CRCP: variants seen among roughly 807,000 people sequenced by gnomAD.
CRCP encodes CGRP receptor component.
Under a neutral mutation model 18.5 loss-of-function variants are expected in CRCP, and 18 were observed. That is an observed-to-expected ratio of 0.97 (90% confidence interval 0.67 to 1.44). The LOEUF (loss-of-function observed/expected upper bound fraction) is 1.44. CRCP is among the 40% of genes most tolerant of loss of function. The pLI is 0.00. For missense variants in CRCP, 130 were observed against 176.4 expected (o/e 0.74, Z 1.49); for synonymous variants, 53 against 62.9 (o/e 0.84, Z 0.75).
intron 5 of CRCP, among the ~76,000 whole-genome samples, chr7:66,146,458 AG>A (rs1162684821): frequency 1.3e-5 from 2 of 148,998 alleles, no homozygotes; most frequent in African/African-American, 4.9e-5. Context: ...AAAAAAAAAA[AG>A]AAGAAGAAAC....
At chr7:66,136,630 C>T (rs1787979591) in intron 4 of CRCP, among the ~76,000 whole-genome samples, 1 of 151,744 alleles carries the variant, frequency 6.6e-6, no homozygotes, top group East Asian at 2.0e-4. Flanking sequence ...GCCCAAAGTG[C>T]TAGCATTTCA....
intron 4 of CRCP, among the ~76,000 whole-genome samples, chr7:66,141,433 G>A (rs1208025462): frequency 6.6e-6 from 1 of 152,018 alleles, no homozygotes; most frequent in Non-Finnish European, 1.5e-5. Context: ...TCTGTCTCCA[G>A]AAAGCATGGA....
chr7:66,114,977 C>T lies in CRCP; in HGVS notation c.8+7C>T. 2 of 1,609,304 alleles carry T rather than the reference C, an allele frequency of 1.2e-6. No individual in the cohort carries two copies. The highest frequency in any genetic ancestry group is 2.2e-5 in the South Asian group (2 of 90,898). ...GGCGGGACGTCATGGAAGTGTAAGT[C>T]TTCTCGGGCGCGTCCCTTTTCGCCC... On this transcript the variant is annotated splice_region_variant and intron_variant, in intron 1 of 5. Transcript: ENST00000395326.
intron 5 of CRCP, among the ~76,000 whole-genome samples, chr7:66,145,878 G>A (rs977990213): frequency 1.3e-5 from 2 of 152,152 alleles, no homozygotes; most frequent in Admixed American, 1.3e-4. Context: ...CCCTGCTCTT[G>A]CTTCCTCTCT....
At chr7:66,148,587 C>T (rs1244411676) in intron 5 of CRCP, among the ~76,000 whole-genome samples, 1 of 152,150 alleles carries the variant, frequency 6.6e-6, no homozygotes, top group Non-Finnish European at 1.5e-5. Context: ...TTGCTGTGGC[C>T]CTCTGATGAC....
Position 66,114,990 on chromosome 7 carries a change from TCC to T in CRCP, c.8+22_8+23del. The T allele has an allele frequency of 6.2e-7, 1 of 1,606,952 alleles. No individual in the cohort carries two copies. On this transcript the variant is annotated intron_variant, in intron 1 of 5. Transcript: ENST00000395326. Reference sequence around the variant, plus strand: ...GGAAGTGTAAGTCTTCTCGGGCGCGTCCCTTTTCGCCCGAGGAGCCCAACGGT... The same window carrying T: ...GGAAGTGTAAGTCTTCTCGGGCGCGTCTTTTCGCCCGAGGAGCCCAACGGT...
chr7:66,138,276 T>C (rs1319305958), intron 4 of CRCP, among the ~76,000 whole-genome samples: 2 of 152,202 alleles, frequency 1.3e-5, no homozygotes, highest in Non-Finnish European at 2.9e-5. Context: ...CAGTGGCTCA[T>C]GCCTATTATC....
chr7:66,133,233 C>T (rs387676), intron 3 of CRCP, among the ~76,000 whole-genome samples: 15,857 of 152,030 alleles, frequency 0.1, 1,006 homozygotes, highest in South Asian at 0.2. Flanking sequence ...TGGCCGGGTG[C>T]GGTGTCTCAT....
intron 1 of CRCP, 31 bp downstream of exon 1, chr7:66,115,001 C>T: frequency 6.2e-7 from 1 of 1,604,454 alleles, no homozygotes; most frequent in Non-Finnish European, 8.5e-7. Context: ...CCCTTTTCGC[C>T]CGAGGAGCCC....
At chr7:66,130,598 T>A in intron 2 of CRCP, 146 bp from the exon 3 acceptor site, 1 of 514,374 alleles carries the variant, frequency 1.9e-6, no homozygotes, top group Non-Finnish European at 3.6e-6. Flanking sequence ...GGACTCATAT[T>A]TGCTCAAATC....
chr7:66,148,120 A>G (rs774297210), intron 5 of CRCP, among the ~76,000 whole-genome samples: 65 of 150,464 alleles, frequency 4.3e-4, no homozygotes, highest in Admixed American at 1.1e-3. Context: ...CCAGTACTTT[A>G]AGAGACCGAG....
At chr7:66,131,771 CTTT>C (rs890802726) in intron 3 of CRCP, among the ~76,000 whole-genome samples, 9 of 144,424 alleles carry the variant, frequency 6.2e-5, no homozygotes, top group African/African-American at 2.3e-4. Context: ...AATCATTTTT[CTTT>C]TTTTTTTTTT....
In CRCP at chr7:66,123,732, G is replaced by C. The variant is rs1787521408; in HGVS notation, c.9-3972G>C. On this transcript the variant is annotated intron_variant, in intron 1 of 5. Transcript: ENST00000395326. ...CATTGCACTCCAGCCTGGGCAACAA[G>C]AGCGAAACTCTTGTCTCAAAAAAAA... Among the ~76,000 whole-genome samples the C allele has an allele frequency of 2.3e-5, 3 of 132,952 alleles. No individual in the cohort carries two copies. In the South Asian group the frequency reaches 7.2e-4, roughly 32 times the overall value. 87.2% of individuals were successfully genotyped at this position (132,952 alleles called of 152,430 possible). A position where few individuals can be genotyped will look rare whatever the true frequency, so the allele number is the denominator to read the frequency against.
rs773805890 is a variant in CRCP at position 66,123,887 on chromosome 7, CT to C, written c.9-3816del. ...CTAACATGGTGAAATCCCGTCTGTA[CT>C]AAAAAAATGAGCCGGGCGTGGTGGC... On this transcript the variant is annotated intron_variant, in intron 1 of 5. Transcript: ENST00000395326. Among the ~76,000 whole-genome samples the C allele has an allele frequency of 1.5e-3, 213 of 146,228 alleles. 1 individual carries two copies. Among genetic ancestry groups the C allele is most frequent in the Non-Finnish European group, 2.2e-3 (147 of 66,752 alleles).
In CRCP at chr7:66,152,876, C is replaced by G. The variant is rs1439393871; in HGVS notation, c.*519C>G. The G allele has an allele frequency of 1.3e-5, 2 of 154,054 alleles. No individual in the cohort carries two copies. Among genetic ancestry groups the G allele is most frequent in the African/African-American group, 4.8e-5 (2 of 41,440 alleles). 9.5% of individuals were successfully genotyped at this position (154,054 alleles called of 1,614,324 possible). On this transcript the variant is annotated 3_prime_UTR_variant, in exon 6 of 6. Coordinates refer to ENST00000395326, the MANE Select transcript of CRCP (RefSeq NM_014478.5). ...AGAGATAAGAAAAGAACCGGCCTGG[C>G]CAATCCTTCAACAGCTCTAGAGCCC...
intron 5 of CRCP, among the ~76,000 whole-genome samples, chr7:66,146,373 C>T (rs547601403): frequency 2.2e-4 from 33 of 151,956 alleles, no homozygotes; most frequent in Non-Finnish European, 3.8e-4. Flanking sequence ...ACGCTGTGGC[C>T]GCTGCCTTCT....
chr7:66,131,100 G>A (rs1005300993), intron 3 of CRCP, among the ~76,000 whole-genome samples: 9 of 151,958 alleles, frequency 5.9e-5, no homozygotes, highest in African/African-American at 1.7e-4. Context: ...TCAGCCTCCC[G>A]AGTAGCTGGG....
intron 4 of CRCP, among the ~76,000 whole-genome samples, chr7:66,136,974 G>T (rs1456531517): frequency 6.6e-6 from 1 of 151,694 alleles, no homozygotes; most frequent in African/African-American, 2.4e-5. Flanking sequence ...CCAGCTACTC[G>T]GGAGGCTGAG....
chr7:66,138,791 T>TTA, intron 4 of CRCP, among the ~76,000 whole-genome samples: 1 of 45,962 alleles, frequency 2.2e-5, no homozygotes, highest in Non-Finnish European at 4.7e-5. Flanking sequence ...AGACTCCGTC[T>TTA]CAAAAAAAAA....
Sources: gnomAD v4.1 joint callset for allele counts (sites outside exome capture counted in the v4.1 genomes callset) on GRCh38, gnomAD v4.1.1 for gene constraint, MANE v1.5 for transcripts, NCBI Gene and HGNC (gene_info 2026-07-23, HGNC 2026-07-21) for gene names.